Variants in RIC3 observed in about 807,000 individuals in gnomAD.
RIC3 encodes the protein protein RIC-3.
A neutral mutation model predicts 27.3 loss-of-function variants in RIC3; 28 were observed. That is an observed-to-expected ratio of 1.02 (90% CI 0.76 to 1.41). The LOEUF (loss-of-function observed/expected upper bound fraction) is 1.41. Among genes scored for constraint, RIC3 ranks in the 40% most tolerant of loss-of-function variants. The pLI is 0.00. For synonymous variants in RIC3, 184 were observed against 160.4 expected, an observed-to-expected ratio of 1.15 and a Z score of -1.11; for missense variants, 501 against 444.7, an observed-to-expected ratio of 1.13 and a Z score of -1.14.
intron 1 of RIC3, among the ~76,000 whole-genome samples, chr11:8,151,585 C>CAA (rs60087055): frequency 6.5e-5 from 4 of 61,698 alleles, no homozygotes; most frequent in East Asian, 1.0e-3. Context: ...AACTCCGTCT[C>CAA]AAAAAAAAAA....
rs961955496 is a variant in RIC3 at position 8,168,211 on chromosome 11, G to A, written c.124+655C>T. On this transcript the variant is annotated intron_variant, in intron 1 of 5. Transcript: ENST00000309737. ...TAAAAGGCCCCAGTGCAGCTAAGAG[G>A]ATGAATTTTTAAACACCACATACAT... Among the ~76,000 whole-genome samples the A allele has an allele frequency of 6.2e-4, 95 of 152,150 alleles. 1 individual carries two copies. Among genetic ancestry groups the A allele is most frequent in the African/African-American group, 2.2e-3 (92 of 41,422 alleles).
At chr11:8,101,676 C>CT, downstream of RIC3, 1 of 1,595,566 alleles carries the variant, frequency 6.3e-7, no homozygotes, top group African/African-American at 1.3e-5. Flanking sequence ...GCCTGCCTGC[C>CT]TGTGGAGACA....
At chr11:8,160,994 G>C (rs1951111986) in intron 1 of RIC3, among the ~76,000 whole-genome samples, 4 of 152,218 alleles carry the variant, frequency 2.6e-5, no homozygotes, top group Admixed American at 2.0e-4. Flanking sequence ...ACACGCCCAG[G>C]AGAGAGGTCT....
At chr11:8,142,283 C>A (rs10839977) in intron 1 of RIC3, among the ~76,000 whole-genome samples, 6 of 123,218 alleles carry the variant, frequency 4.9e-5, no homozygotes, top group African/African-American at 1.8e-4. Flanking sequence ...CCGCTAGCAA[C>A]ACTAATAAAG....
At chr11:8,126,988 T>A in intron 4 of RIC3, 181 bp from the exon 5 acceptor site, 1 of 715,296 alleles carries the variant, frequency 1.4e-6, no homozygotes, top group Non-Finnish European at 2.3e-6. Flanking sequence ...AATGCTTTGA[T>A]TTTATAAATG....
intron 1 of RIC3, among the ~76,000 whole-genome samples, chr11:8,154,421 T>C (rs1238918539): frequency 1.3e-5 from 2 of 152,238 alleles, no homozygotes; most frequent in African/African-American, 2.4e-5. Context: ...AGTGTGAATG[T>C]ACTTAATGCT....
intron 1 of RIC3, among the ~76,000 whole-genome samples, chr11:8,167,890 G>A (rs971489536): frequency 2.0e-5 from 3 of 152,174 alleles, no homozygotes; most frequent in African/African-American, 7.2e-5. Flanking sequence ...TGTTCAACCT[G>A]CCCTCCACCC....
chr11:8,168,919 G>C lies in RIC3; in HGVS notation c.71C>G (p.Pro24Arg). 6.2e-7 allele frequency: 1 copy of C among 1,612,124 alleles called. No homozygotes were observed. Residue 24 changes from proline to arginine, a missense_variant, in exon 1 of 6, where the codon CCC (proline) becomes CGC (arginine). By Grantham distance (103) the Pro-to-Arg change is moderately radical (BLOSUM62 -2). Transcript: ENST00000309737. Reference protein sequence around the residue: ...GLVLALSLLLPKAFLSRGKRQ... With the variant: ...GLVLALSLLLRKAFLSRGKRQ... ...CTTCCCGCGGGACAGGAAGGCCTTG[G>C]GCAGCAGCAGCGACAGAGCCAGGAC...
chr11:8,138,395 A>G (rs1565049751), intron 2 of RIC3, 48 bp from the exon 3 acceptor site: 2 of 1,250,408 alleles, frequency 1.6e-6, no homozygotes, highest in Non-Finnish European at 2.3e-6. Context: ...TCAGAACCTC[A>G]GTCACGGAAC....
chr11:8,101,848 CTT>C, downstream of RIC3: 1 of 452,120 alleles, frequency 2.2e-6, no homozygotes, highest in Non-Finnish European at 3.5e-6. Flanking sequence ...GAGAATAATT[CTT>C]TCCATGCCAC....
At chr11:8,147,322 G>GT (rs1304117667) in intron 1 of RIC3, among the ~76,000 whole-genome samples, 1 of 152,196 alleles carries the variant, frequency 6.6e-6, no homozygotes, top group Non-Finnish European at 1.5e-5. Context: ...TGTCATGGGC[G>GT]TATGTCCTGA....
intron 5 of RIC3, among the ~76,000 whole-genome samples, chr11:8,112,899 A>G (rs1433707096): frequency 1.3e-5 from 2 of 152,230 alleles, no homozygotes; most frequent in Non-Finnish European, 2.9e-5. Flanking sequence ...ACTTCTATAA[A>G]TATGAAAACT....
chr11:8,127,296 A>G (rs984242703), intron 4 of RIC3, among the ~76,000 whole-genome samples: 2 of 152,200 alleles, frequency 1.3e-5, no homozygotes, highest in Middle Eastern at 3.2e-3. Flanking sequence ...GTGTGCAGGT[A>G]TAAGGATATA....
rs190350562 is a variant in RIC3, at chr11:8,153,317, T to C, written c.125-13124A>G. The C allele has an allele frequency of 1.4e-4, 55 of 384,344 alleles. No individual in the cohort carries two copies. The Admixed American group carries it at 1.9e-3, about 13-fold the overall frequency. The allele number at this position is 384,344 out of a possible 1,614,324, so 23.8% of individuals were successfully genotyped here. A position where few individuals can be genotyped will look rare whatever the true frequency, so the allele number is the denominator to read the frequency against. ...AGAATGACAAATAGAACAGAATCTC[T>C]GTCTTTAAAAAGAGTTTACAGACAG... On this transcript the variant is annotated intron_variant, in intron 1 of 5. Coordinates refer to ENST00000309737, the MANE Select transcript of RIC3 (RefSeq NM_001206671.4).
At chr11:8,121,260 C>A (rs1179700403) in intron 5 of RIC3, among the ~76,000 whole-genome samples, 4 of 152,108 alleles carry the variant, frequency 2.6e-5, no homozygotes, top group African/African-American at 9.7e-5. Flanking sequence ...ACAACGAAAA[C>A]TGCAATTTGG....
intron 1 of RIC3, among the ~76,000 whole-genome samples, chr11:8,145,573 T>A (rs572395736): frequency 6.6e-5 from 10 of 152,178 alleles, no homozygotes; most frequent in Non-Finnish European, 2.9e-5. Flanking sequence ...AGGATGGATA[T>A]AGCACAAACA....
At chr11:8,098,859 T>A in the RIC3 span, 3 of 1,613,844 alleles carry the variant, frequency 1.9e-6, no homozygotes, top group Non-Finnish European at 2.5e-6. Context: ...CGTCAGGAGC[T>A]GGCAGCTGTG....
intron 1 of RIC3, among the ~76,000 whole-genome samples, chr11:8,147,149 C>CT (rs1431957786): frequency 1.3e-5 from 2 of 152,220 alleles, no homozygotes; most frequent in African/African-American, 4.8e-5. Flanking sequence ...CCCTTCACCA[C>CT]TTTGAGTCTT....
At chr11:8,127,911 A>G (rs183637203) in intron 4 of RIC3, among the ~76,000 whole-genome samples, 2 of 152,382 alleles carry the variant, frequency 1.3e-5, no homozygotes, top group Admixed American at 1.3e-4. Context: ...TCTCCTTTCA[A>G]CATGAAGATA....
Sources: gnomAD v4.1 joint callset for allele counts (sites outside exome capture counted in the v4.1 genomes callset) on GRCh38, gnomAD v4.1.1 for gene constraint, MANE v1.5 for transcripts, NCBI Gene and HGNC (gene_info 2026-07-23, HGNC 2026-07-21) for gene names.